Variants in LRRC8A observed in about 807,000 individuals in gnomAD.
LRRC8A encodes volume-regulated anion channel subunit LRRC8A.
In LRRC8A, 24 loss-of-function variants were observed where a neutral mutation model predicts 52.5. The observed-to-expected ratio is 0.46, with a 90% confidence interval of 0.33 to 0.64. LRRC8A has a LOEUF of 0.64. Among genes scored for constraint, LRRC8A ranks in the 30% least tolerant of loss-of-function variants. The pLI, the probability that LRRC8A is intolerant of heterozygous loss-of-function variation, is 0.02. For synonymous variants in LRRC8A, 492 were observed against 494.2 expected (o/e 1.00, Z 0.06); for missense variants, 677 against 1,094.7 (o/e 0.62, Z 5.38).
In LRRC8A at chr9:128,888,665, G is replaced by A. The variant is rs538934013; in HGVS notation, c.-9+2544G>A. On this transcript the variant is annotated intron_variant, in intron 2 of 3. Coordinates refer to ENST00000372600, the MANE Select transcript of LRRC8A (RefSeq NM_019594.4). ...TGGGCAAGGAGAGCATACAGGCGTG[G>A]CAGCCTCGTTTTGCGGGGCTGCGAG... is the stretch of plus-strand genomic sequence containing the variant. Among the ~76,000 whole-genome samples the A allele has an allele frequency of 1.6e-4, 24 of 152,250 alleles. No homozygotes were observed. In the South Asian group the frequency reaches 5.0e-3, roughly 32 times the overall value.
chr9:128,889,603 T>TC (rs577777263), intron 2 of LRRC8A, among the ~76,000 whole-genome samples: 1 of 152,054 alleles, frequency 6.6e-6, no homozygotes, highest in South Asian at 2.1e-4. Context: ...CAAGCTATTC[T>TC]CCTGCCTCAG....
Position 128,908,184 on chromosome 9 carries a change from G to A in LRRC8A, c.1020G>A (p.Leu340=). 2 of 1,614,072 alleles carry A rather than the reference G, an allele frequency of 1.2e-6. No homozygotes were observed. The highest frequency in any genetic ancestry group is 1.7e-6 in the Non-Finnish European group (2 of 1,180,028). Residue 340 remains leucine (L), a synonymous_variant, in exon 3 of 4, where the codon CTG becomes CTA. Coordinates refer to ENST00000372600, the MANE Select transcript of LRRC8A (RefSeq NM_019594.4). The part of the protein sequence containing the change: ...IFYGLICMYT[L]WWMLRRSLKK... Reference sequence around the variant, plus strand: ...ACGGCCTCATCTGCATGTATACACTGTGGTGGATGCTACGGCGCTCCCTCA... The same window carrying A: ...ACGGCCTCATCTGCATGTATACACTATGGTGGATGCTACGGCGCTCCCTCA...
intron 3 of LRRC8A, among the ~76,000 whole-genome samples, chr9:128,915,572 G>A (rs1004304862): frequency 3.3e-5 from 5 of 152,196 alleles, no homozygotes; most frequent in East Asian, 1.9e-4. Flanking sequence ...TGATCCGCCC[G>A]CCTCAGCCTC....
chr9:128,891,216 G>A (rs1474471548), intron 2 of LRRC8A, among the ~76,000 whole-genome samples: 1 of 152,126 alleles, frequency 6.6e-6, no homozygotes, highest in Non-Finnish European at 1.5e-5. Context: ...AGGTTGCAGT[G>A]AGCCGAGATT....
Position 128,917,292 on chromosome 9 carries a change from AG to A in LRRC8A, c.*924del, listed in dbSNP as rs1840867467. ...CCAGGAGTTCTATTTGTTCCTGGGG[AG>A]GGAGGTTTTTTTGTTTGTTTTTTGG... On this transcript the variant is annotated 3_prime_UTR_variant, in exon 4 of 4. Transcript: ENST00000372600. 1 of 151,730 alleles carries A rather than the reference AG, an allele frequency of 6.6e-6. No individual in the cohort carries two copies. Among genetic ancestry groups the A allele is most frequent in the Non-Finnish European group, 1.5e-5 (1 of 67,850 alleles). 9.4% of individuals were successfully genotyped at this position (151,730 alleles called of 1,614,324 possible).
chr9:128,900,381 GC>G (rs1839979279), intron 2 of LRRC8A, among the ~76,000 whole-genome samples: 1 of 152,228 alleles, frequency 6.6e-6, no homozygotes, highest in Non-Finnish European at 1.5e-5. Flanking sequence ...ACCAGCCTGG[GC>G]TGACTGCGCC....
chr9:128,905,671 T>C (rs1217705776), intron 2 of LRRC8A, among the ~76,000 whole-genome samples: 1 of 152,072 alleles, frequency 6.6e-6, no homozygotes, highest in Non-Finnish European at 1.5e-5. Context: ...CGTGAAACCT[T>C]GTCTCTACTA....
intron 2 of LRRC8A, among the ~76,000 whole-genome samples, chr9:128,890,657 AC>A (rs1483278378): frequency 2.0e-5 from 3 of 151,326 alleles, no homozygotes; most frequent in African/African-American, 7.3e-5. Flanking sequence ...CCTCTGTCAG[AC>A]CCCCCAGTCC....
Position 128,909,238 on chromosome 9 carries a change from C to T in LRRC8A, c.2074C>T (p.Leu692Phe), listed in dbSNP as rs748753154. 1.2e-6 allele frequency: 2 copies of T among 1,614,164 alleles called. No homozygotes were observed. Among genetic ancestry groups the T allele is most frequent in the Non-Finnish European group, 8.5e-7 (1 of 1,180,050 alleles). The change falls in exon 3 of 4, where the codon CTC becomes TTC. Residue 692 changes from leucine to phenylalanine, a missense_variant. Leu to Phe is a conservative substitution (Grantham distance 22). Coordinates refer to ENST00000372600, the MANE Select transcript of LRRC8A (RefSeq NM_019594.4). ...FYCRKLRYLD[L>F]SHNNLTFLPA... ...CTGCCGCAAGCTGCGCTACCTGGAC[C>T]TCAGCCACAACAACCTGACCTTCCT...
Position 128,907,078 on chromosome 9 carries a change from T to C in LRRC8A, c.-8-79T>C, listed in dbSNP as rs1588218287. The C allele has an allele frequency of 1.7e-6, 2 of 1,184,048 alleles. No individual in the cohort carries two copies. Among genetic ancestry groups the C allele is most frequent in the East Asian group, 2.4e-5 (1 of 42,434 alleles). The allele number at this position is 1,184,048 out of a possible 1,614,324, so 73.3% of individuals were successfully genotyped here. On this transcript the variant is annotated intron_variant, in intron 2 of 3. Coordinates refer to ENST00000372600, the MANE Select transcript of LRRC8A (RefSeq NM_019594.4). This position sits in a 1 kb window ranked among gnomAD's most constrained non-coding sequence, Gnocchi z 9.3. ...ATTTTGGACAATGGAAGAATTTTCA[T>C]TGTCTTCTTCCCCTGACCCCTGGTC... is the stretch of plus-strand genomic sequence containing the variant.
At chr9:128,915,969 G>C in intron 3 of LRRC8A, 127 bp from the exon 4 acceptor site, 1 of 1,174,274 alleles carries the variant, frequency 8.5e-7, no homozygotes, top group South Asian at 1.5e-5. Flanking sequence ...GGCCCAGATT[G>C]TGCTGATGCT....
chr9:128,898,255 C>T (rs932998513), intron 2 of LRRC8A, among the ~76,000 whole-genome samples: 1 of 151,968 alleles, frequency 6.6e-6, no homozygotes, highest in Non-Finnish European at 1.5e-5. Flanking sequence ...GAGTCTTGCT[C>T]TGTCGCCCAG....
At chr9:128,887,139 A>G (rs1052770353) in intron 2 of LRRC8A, among the ~76,000 whole-genome samples, 1 of 151,856 alleles carries the variant, frequency 6.6e-6, no homozygotes, top group Admixed American at 6.6e-5. Flanking sequence ...ATAGTTGTAT[A>G]TTCATTATAT....
At position 128,883,974 on chromosome 9, in the gene LRRC8A, C is replaced by CA. The variant is rs1418676873; in HGVS notation, c.-116+1731dup. 4.0e-5 allele frequency among the ~76,000 whole-genome samples: 6 copies of CA among 148,264 alleles called. No individual in the cohort carries two copies. In the East Asian group the frequency reaches 5.9e-4, roughly 15 times the overall value. The stretch of plus-strand genomic sequence containing the variant: ...GGGCAAGAAGAGCAAAATTCCATCT[C>CA]AAAAAAACAAAAAAAAAAACAGAGC... On this transcript the variant is annotated intron_variant, in intron 1 of 3. Coordinates refer to ENST00000372600, the MANE Select transcript of LRRC8A (RefSeq NM_019594.4).
At chr9:128,891,111 A>G (rs1016135320) in intron 2 of LRRC8A, among the ~76,000 whole-genome samples, 1 of 152,080 alleles carries the variant, frequency 6.6e-6, no homozygotes, top group African/African-American at 2.4e-5. Context: ...TTTCTACTAA[A>G]AAATACAAAA....
chr9:128,916,572 C>T lies in LRRC8A; in HGVS notation c.*201C>T, dbSNP rs982304379. 2.3e-5 allele frequency: 15 copies of T among 649,550 alleles called. No homozygotes were observed. Among genetic ancestry groups the T allele is most frequent in the Non-Finnish European group, 3.1e-5 (12 of 389,278 alleles). The allele number at this position is 649,550 out of a possible 1,614,324, so 40.2% of individuals were successfully genotyped here. A position where few individuals can be genotyped will look rare whatever the true frequency, so the allele number is the denominator to read the frequency against. On this transcript the variant is annotated 3_prime_UTR_variant, in exon 4 of 4. Transcript: ENST00000372600. This position sits in a 1 kb window ranked among gnomAD's most constrained non-coding sequence, Gnocchi z 6.1. Reference sequence around the variant, plus strand: ...GCCCCTTTTCTCCCTCTGAGACTCACGTCCCCCAGGGCAAGTGCTTGTGGA... The same window carrying T: ...GCCCCTTTTCTCCCTCTGAGACTCATGTCCCCCAGGGCAAGTGCTTGTGGA...
At chr9:128,893,359 G>A (rs1440553799) in intron 2 of LRRC8A, among the ~76,000 whole-genome samples, 1 of 152,234 alleles carries the variant, frequency 6.6e-6, no homozygotes, top group South Asian at 2.1e-4. Context: ...GACAGCCTGA[G>A]TGTGCCCGGT....
At chr9:128,904,802 G>T (rs1046491873) in intron 2 of LRRC8A, among the ~76,000 whole-genome samples, 1 of 151,952 alleles carries the variant, frequency 6.6e-6, no homozygotes, top group Non-Finnish European at 1.5e-5. Flanking sequence ...AGACCATCCT[G>T]GCTAACACGG....
rs377544052 is a variant in LRRC8A, at chr9:128,916,368, C to G, written c.2430C>G (p.Ala810=). 2.3e-5 allele frequency: 37 copies of G among 1,608,058 alleles called. No individual in the cohort carries two copies. The highest frequency in any genetic ancestry group is 2.3e-5 in the Non-Finnish European group (27 of 1,177,476). ...ERLWRADKEQ[A] is the part of the protein sequence containing the mutation. Reference sequence around the variant, plus strand: ...TGTGGAGGGCTGACAAGGAGCAGGCCTGAGCGAGGCCGGCCCAGCACAGCA... The same window carrying G: ...TGTGGAGGGCTGACAAGGAGCAGGCGTGAGCGAGGCCGGCCCAGCACAGCA... Residue 810 remains alanine (A), a synonymous_variant, in exon 4 of 4, where the codon GCC becomes GCG. Transcript: ENST00000372600. This position sits in a 1 kb window ranked among gnomAD's most constrained non-coding sequence, Gnocchi z 6.1.
Sources: allele counts gnomAD v4.1 joint callset (sites outside exome capture counted in the v4.1 genomes callset), GRCh38; gene constraint gnomAD v4.1.1; non-coding constraint Gnocchi (gnomAD v3.1); transcripts MANE v1.5; gene names NCBI Gene and HGNC (gene_info 2026-07-23, HGNC 2026-07-21).